OXCT1: variants seen among roughly 807,000 people sequenced by gnomAD.
OXCT1 encodes succinyl-CoA:3-ketoacid coenzyme A transferase 1, mitochondrial.
Under a neutral mutation model 69.6 loss-of-function variants are expected in OXCT1, and 27 were observed. The observed-to-expected ratio is 0.39, with a 90% CI of 0.29 to 0.54. The LOEUF (loss-of-function observed/expected upper bound fraction) is 0.54. OXCT1 is among the 20% of genes least tolerant of loss of function. The pLI is 0.72. For missense variants in OXCT1, 437 were observed against 650.2 expected, an observed-to-expected ratio of 0.67 and a Z score of 3.57; for synonymous variants, 202 against 217.8, an observed-to-expected ratio of 0.93 and a Z score of 0.64.
At chr5:41,812,516 G>A (rs979397889) in intron 7 of OXCT1, among the ~76,000 whole-genome samples, 9 of 151,968 alleles carry the variant, frequency 5.9e-5, no homozygotes, top group African/African-American at 2.2e-4. Flanking sequence ...TAGGACAAAT[G>A]GAAGTCAAGA....
chr5:41,868,738 A>G (rs1052100507), intron 1 of OXCT1, among the ~76,000 whole-genome samples: 3 of 152,018 alleles, frequency 2.0e-5, no homozygotes, highest in African/African-American at 4.8e-5. Flanking sequence ...AAAAAAAACA[A>G]TAAGGGCACT....
At chr5:41,765,904 A>T (rs945387228) in intron 13 of OXCT1, among the ~76,000 whole-genome samples, 4 of 152,156 alleles carry the variant, frequency 2.6e-5, no homozygotes, top group African/African-American at 4.8e-5. Flanking sequence ...CAACATCCTA[A>T]TTCAACATAC....
At chr5:41,796,632 T>C (rs1454835603) in intron 11 of OXCT1, among the ~76,000 whole-genome samples, 2 of 152,180 alleles carry the variant, frequency 1.3e-5, no homozygotes. Flanking sequence ...GATATAAATA[T>C]ATATCTCTCG....
intron 13 of OXCT1, among the ~76,000 whole-genome samples, chr5:41,779,687 T>G (rs1447252029): frequency 6.6e-6 from 1 of 151,812 alleles, no homozygotes; most frequent in African/African-American, 2.4e-5. Flanking sequence ...TTACATAAAA[T>G]TATCTTATTT....
At chr5:41,830,425 A>C (rs1057305930) in intron 7 of OXCT1, among the ~76,000 whole-genome samples, 1 of 152,222 alleles carries the variant, frequency 6.6e-6, no homozygotes, top group Non-Finnish European at 1.5e-5. Flanking sequence ...GATTAGGAAC[A>C]GTTTTTTGCT....
At chr5:41,854,978 G>C (rs753031019) in intron 3 of OXCT1, among the ~76,000 whole-genome samples, 1 of 152,122 alleles carries the variant, frequency 6.6e-6, no homozygotes, top group African/African-American at 2.4e-5. Flanking sequence ...ACATGTGCAA[G>C]AAAATTCATA....
chr5:41,738,339 G>A (rs1421968906), intron 16 of OXCT1, among the ~76,000 whole-genome samples: 1 of 152,156 alleles, frequency 6.6e-6, no homozygotes, highest in Non-Finnish European at 1.5e-5. Flanking sequence ...ATCCCCTTGT[G>A]TCACGGGAGG....
At chr5:41,794,408 T>A in intron 12 of OXCT1, 1 of 595,682 alleles carries the variant, frequency 1.7e-6, no homozygotes, top group Non-Finnish European at 3.0e-6. Context: ...AATGTTAGAA[T>A]CCTCAGAAAG....
intron 14 of OXCT1, among the ~76,000 whole-genome samples, chr5:41,760,614 T>G (rs181439421): frequency 3.5e-4 from 54 of 152,266 alleles, no homozygotes; most frequent in African/African-American, 1.2e-3. Flanking sequence ...TGCCTTCGTG[T>G]GTCAATATTA....
At chr5:41,814,817 T>G (rs1353159810) in intron 7 of OXCT1, among the ~76,000 whole-genome samples, 5 of 151,652 alleles carry the variant, frequency 3.3e-5, no homozygotes, top group Non-Finnish European at 4.4e-5. Context: ...ATGTCACATG[T>G]ATACATATGT....
rs1579856446 is a variant in OXCT1, at chr5:41,842,619, A to C, written c.671+56T>G. On this transcript the variant is annotated intron_variant, in intron 6 of 16. Transcript: ENST00000196371. ...ATTTTTAAATTCCAAATTCACTCTG[A>C]TGTCCATTTTTAGAGTTGCTGATAT... The C allele has an allele frequency of 7.7e-6, 9 of 1,175,716 alleles. No homozygotes were observed. In the East Asian group the frequency reaches 2.1e-4, roughly 27 times the overall value. 72.8% of individuals were successfully genotyped at this position (1,175,716 alleles called of 1,614,324 possible). A position where few individuals can be genotyped will look rare whatever the true frequency, so the allele number is the denominator to read the frequency against.
chr5:41,833,908 A>G (rs1171151397), intron 7 of OXCT1, among the ~76,000 whole-genome samples: 1 of 151,944 alleles, frequency 6.6e-6, no homozygotes, highest in Non-Finnish European at 1.5e-5. Context: ...TAAAAATACA[A>G]AAAATTAGTT....
chr5:41,826,716 A>G (rs1747823606), intron 7 of OXCT1, among the ~76,000 whole-genome samples: 1 of 152,152 alleles, frequency 6.6e-6, no homozygotes, highest in Admixed American at 6.6e-5. Flanking sequence ...TTTCCATTCC[A>G]TAACCCTAAC....
chr5:41,739,283 T>A, intron 16 of OXCT1, 107 bp downstream of exon 16: 1 of 803,138 alleles, frequency 1.2e-6, no homozygotes, highest in Non-Finnish European at 2.2e-6. Context: ...ACTGTAAAGG[T>A]CAACTCCAAA....
chr5:41,787,634 CAAAA>C (rs765691863), intron 13 of OXCT1, among the ~76,000 whole-genome samples: 7 of 34,736 alleles, frequency 2.0e-4, no homozygotes, highest in Admixed American at 5.1e-4. Context: ...AAGCATTAGG[CAAAA>C]AAAAAAAAAA....
In OXCT1 at chr5:41,730,396, T is replaced by A. The variant is rs554748558; in HGVS notation, c.*1333A>T. 1 of 152,344 alleles carries A rather than the reference T, an allele frequency of 6.6e-6. No individual in the cohort carries two copies. Among genetic ancestry groups the A allele is most frequent in the Non-Finnish European group, 1.5e-5 (1 of 68,026 alleles). 9.4% of individuals were successfully genotyped at this position (152,344 alleles called of 1,614,324 possible). A position where few individuals can be genotyped will look rare whatever the true frequency, so the allele number is the denominator to read the frequency against. ...CCTGTCCTTTCTCTAATATTGTACA[T>A]TACACAATTGTAGCTACACCTGAAA... is the stretch of plus-strand genomic sequence containing the variant. On this transcript the variant is annotated 3_prime_UTR_variant, in exon 17 of 17. Transcript: ENST00000196371.
chr5:41,855,512 C>G (rs943569802), intron 3 of OXCT1, among the ~76,000 whole-genome samples: 3 of 152,172 alleles, frequency 2.0e-5, no homozygotes, highest in African/African-American at 7.2e-5. Context: ...TACAATCTCT[C>G]CCTCCTAATT....
At chr5:41,859,907 T>TGTAATATATATATATATATAC (rs1561135734) in intron 3 of OXCT1, among the ~76,000 whole-genome samples, 1 of 138,480 alleles carries the variant, frequency 7.2e-6, no homozygotes, top group Admixed American at 7.4e-5. Flanking sequence ...TATATATATA[T>TGTAATATATATATATATATAC]ACACACACAC....
intron 3 of OXCT1, 66 bp from the exon 4 acceptor site, chr5:41,853,620 G>A (rs760320773): frequency 1.3e-6 from 2 of 1,509,270 alleles, no homozygotes; most frequent in Non-Finnish European, 1.8e-6. Flanking sequence ...TCTTTTTAAA[G>A]AGATAAAACT....
Sources: allele counts gnomAD v4.1 joint callset (sites outside exome capture counted in the v4.1 genomes callset), GRCh38; gene constraint gnomAD v4.1.1; transcripts MANE v1.5; gene names NCBI Gene and HGNC (gene_info 2026-07-23, HGNC 2026-07-21).